Variants in CPSF3 observed in about 807,000 individuals in gnomAD.
CPSF3 encodes the protein cleavage and polyadenylation specific factor 3, also known as cleavage and polyadenylation specificity factor subunit 3.
In CPSF3, 57 loss-of-function variants were observed where a neutral mutation model predicts 84.1. The ratio of observed to expected loss-of-function variants is 0.68; its 90% CI spans 0.55 to 0.85. The LOEUF (loss-of-function observed/expected upper bound fraction) is 0.85, where lower values mean the gene tolerates loss of function less well. Ranked by LOEUF, CPSF3 falls within the 40% of genes least tolerant of loss-of-function variation. CPSF3 has a pLI of 0.00. For synonymous variants in CPSF3, 275 were observed against 278.1 expected, an observed-to-expected ratio of 0.99 and a Z score of 0.11; for missense variants, 522 against 838.8, an observed-to-expected ratio of 0.62 and a Z score of 4.66.
chr2:9,471,343 G>A lies in CPSF3; in HGVS notation c.1857G>A (p.Gln619=), dbSNP rs769275073. ...ATCCTGCATTTCTGCTTATTTTCAG[G>A]GACATATTTGGAGAAGACTGTGTAA... The part of the protein sequence containing the change: ...VYSKRLEIML[Q]DIFGEDCVSV... Residue 619 remains glutamine, a splice_region_variant and synonymous_variant, in exon 17 of 18, where the codon CAG becomes CAA. Transcript: ENST00000238112. 10 of 1,592,434 alleles carry A rather than the reference G, an allele frequency of 6.3e-6. No homozygotes were observed. In the African/African-American group the frequency reaches 6.7e-5, roughly 11 times the overall value.
chr2:9,466,342 G>GCA (rs1553348589), intron 15 of CPSF3, among the ~76,000 whole-genome samples: 1 of 89,082 alleles, frequency 1.1e-5, no homozygotes, highest in African/African-American at 3.4e-5. Flanking sequence ...ACGCACACAC[G>GCA]CGCGCGCGCG....
At chr2:9,432,190 G>A (rs1680613195) in intron 4 of CPSF3, among the ~76,000 whole-genome samples, 1 of 152,110 alleles carries the variant, frequency 6.6e-6, no homozygotes, top group Non-Finnish European at 1.5e-5. Context: ...GAGTGTTGGG[G>A]TGGGAAAAAA....
chr2:9,436,940 TAAATG>T (rs1680804725), intron 7 of CPSF3, among the ~76,000 whole-genome samples: 1 of 152,024 alleles, frequency 6.6e-6, no homozygotes, highest in South Asian at 2.1e-4. Context: ...TTCTGGGAAA[TAAATG>T]AGATGTACAG....
intron 15 of CPSF3, among the ~76,000 whole-genome samples, chr2:9,466,358 ACACACGCACACACC>A (rs1231132121): frequency 4.2e-5 from 6 of 142,386 alleles, no homozygotes; most frequent in African/African-American, 1.7e-4. Context: ...GCGCGCACAC[ACACACGCACACACC>A]CACGCACTCG....
chr2:9,468,056 T>A, intron 16 of CPSF3: 1 of 321,596 alleles, frequency 3.1e-6, no homozygotes, highest in Non-Finnish European at 5.6e-6. Context: ...GTTAAAACAT[T>A]CTCATCAAGG....
In CPSF3 at chr2:9,457,755, T is replaced by A. The variant is rs1681580643; in HGVS notation, c.1698+728T>A. ...ACTATTTCATTCATACATTCTAATT[T>A]TTTTTTTCTTTTTTTGAGACAGAGT... is the stretch of plus-strand genomic sequence containing the variant. On this transcript the variant is annotated intron_variant, in intron 14 of 17. Transcript: ENST00000238112. Among the ~76,000 whole-genome samples, 3 of 152,066 alleles carry A rather than the reference T, an allele frequency of 2.0e-5. No homozygotes were observed. The South Asian group carries it at 6.2e-4, about 32-fold the overall frequency.
chr2:9,466,097 T>C (rs921485261), intron 15 of CPSF3, among the ~76,000 whole-genome samples: 2 of 152,098 alleles, frequency 1.3e-5, no homozygotes, highest in Non-Finnish European at 2.9e-5. Context: ...TCCCAGCACT[T>C]TGGGAGGCAC....
chr2:9,435,721 T>C (rs1325792686), intron 6 of CPSF3, among the ~76,000 whole-genome samples: 13 of 151,042 alleles, frequency 8.6e-5, no homozygotes, highest in Admixed American at 8.6e-4. Flanking sequence ...CCGGCCTCTT[T>C]TTGTTGTTGT....
chr2:9,432,093 C>G (rs1430605450), intron 4 of CPSF3, among the ~76,000 whole-genome samples: 1 of 152,154 alleles, frequency 6.6e-6, no homozygotes, highest in Non-Finnish European at 1.5e-5. Flanking sequence ...AAAGGTTGTG[C>G]TAGACTTTGT....
chr2:9,471,325 AT>A lies in CPSF3; in HGVS notation c.1857-15del. ...AGCCGGGCATTTTCACTAATCCTGC[AT>A]TTCTGCTTATTTTCAGGGACATATT... On this transcript the variant is annotated splice_polypyrimidine_tract_variant and intron_variant, in intron 16 of 17. Transcript: ENST00000238112. 1 of 1,487,046 alleles carries A rather than the reference AT, an allele frequency of 6.7e-7. No individual in the cohort carries two copies. Among genetic ancestry groups the A allele is most frequent in the Non-Finnish European group, 9.4e-7 (1 of 1,064,844 alleles). The allele number at this position is 1,487,046 out of a possible 1,614,324, so 92.1% of individuals were successfully genotyped here. A position where few individuals can be genotyped will look rare whatever the true frequency, so the allele number is the denominator to read the frequency against.
At chr2:9,461,728 G>A (rs144728242) in intron 15 of CPSF3, among the ~76,000 whole-genome samples, 226 of 150,510 alleles carry the variant, frequency 1.5e-3, no homozygotes, top group African/African-American at 5.3e-3. Context: ...AGGTGTGCAG[G>A]GTGGGAAGGA....
At chr2:9,448,070 G>GT in intron 10 of CPSF3, 128 bp from the exon 11 acceptor site, 1 of 516,690 alleles carries the variant, frequency 1.9e-6, no homozygotes, top group Admixed American at 3.9e-5. Flanking sequence ...AAGTAGTAAA[G>GT]TTTCATAACT....
At chr2:9,442,724 T>C (rs1385413890) in intron 9 of CPSF3, among the ~76,000 whole-genome samples, 1 of 151,992 alleles carries the variant, frequency 6.6e-6, no homozygotes, top group African/African-American at 2.4e-5. Context: ...TGGTGGCGTA[T>C]GCCTGTAATC....
chr2:9,443,619 G>T lies in CPSF3; in HGVS notation c.1200G>T (p.Gln400His). ...YISFSAHTDY[Q>H]QTSEFIRALK... ...CTTTCTCAGCTCACACGGATTACCA[G>T]CAAACCAGTGAATTTATTCGTGCTT... The change falls in exon 10 of 18, where the codon CAG becomes CAT. Residue 400 changes from glutamine to histidine, a missense_variant. This residue lies in a region of CPSF3 where 329 missense variants were observed against 607.2 expected (regional missense o/e 0.54). Transcript: ENST00000238112. The T allele has an allele frequency of 6.2e-7, 1 of 1,614,078 alleles. No homozygotes were observed. Among genetic ancestry groups the T allele is most frequent in the Non-Finnish European group, 8.5e-7 (1 of 1,180,010 alleles).
At chr2:9,459,711 A>T in intron 15 of CPSF3, 93 bp downstream of exon 15, 1 of 578,226 alleles carries the variant, frequency 1.7e-6, no homozygotes, top group Non-Finnish European at 2.7e-6. Flanking sequence ...GTGCAGTGGC[A>T]CGATCTCAGC....
Position 9,451,147 on chromosome 2 carries a change from CGG to C in CPSF3, c.1396-1765_1396-1764del, listed in dbSNP as rs1041888320. Among the ~76,000 whole-genome samples, 184 of 152,194 alleles carry C rather than the reference CGG, an allele frequency of 1.2e-3. 2 individuals are homozygous for C. The highest frequency in any genetic ancestry group is 4.2e-3 in the African/African-American group (174 of 41,512). ...GTTCAGGAAAAGTTGGGTTTCTTAT[CGG>C]AGTGTTCTGTTTCTCACCCATAATT... On this transcript the variant is annotated intron_variant, in intron 11 of 17. Transcript: ENST00000238112.
intron 16 of CPSF3, among the ~76,000 whole-genome samples, chr2:9,468,962 G>A (rs577825554): frequency 1.6e-4 from 24 of 152,132 alleles, no homozygotes; most frequent in Non-Finnish European, 3.1e-4. Flanking sequence ...AAAAAAAAAT[G>A]ATAGACTTTA....
chr2:9,443,061 A>C (rs1295730732), intron 9 of CPSF3, among the ~76,000 whole-genome samples: 1 of 152,000 alleles, frequency 6.6e-6, no homozygotes, highest in Non-Finnish European at 1.5e-5. Flanking sequence ...TAGTTGGGGG[A>C]CTGAGGCAGG....
intron 15 of CPSF3, among the ~76,000 whole-genome samples, chr2:9,466,318 A>ACG (rs1681946627): frequency 1.2e-5 from 1 of 83,592 alleles, no homozygotes; most frequent in Non-Finnish European, 3.1e-5. Flanking sequence ...ACACTGACGC[A>ACG]CGCACACAGA....
Sources: allele counts gnomAD v4.1 joint callset (sites outside exome capture counted in the v4.1 genomes callset), GRCh38; gene constraint gnomAD v4.1.1; regional missense constraint gnomAD v4.1.1; transcripts MANE v1.5; gene names NCBI Gene and HGNC (gene_info 2026-07-23, HGNC 2026-07-21).